HSF5: variants seen among roughly 807,000 people sequenced by gnomAD.
HSF5 encodes the protein heat shock transcription factor 5.
In HSF5, 5 loss-of-function variants were observed where a neutral mutation model predicts 50.8. That is an observed-to-expected ratio of 0.10 (90% CI 0.05 to 0.21). HSF5 has a LOEUF of 0.21. HSF5 is among the 10% of genes least tolerant of loss of function. The pLI, the probability that HSF5 is intolerant of heterozygous loss-of-function variation, is 1.00. For synonymous variants in HSF5, 307 were observed against 307.4 expected (o/e 1.00, Z 0.02); for missense variants, 564 against 762.6 (o/e 0.74, Z 3.07).
At chr17:58,425,970 A>G (rs1974292500) in intron 5 of HSF5, among the ~76,000 whole-genome samples, 1 of 152,218 alleles carries the variant, frequency 6.6e-6, no homozygotes, top group South Asian at 2.1e-4. Context: ...TTGAAAGCTG[A>G]CCAAAAAGAA....
At chr17:58,428,537 T>C (rs1004403542) in intron 5 of HSF5, among the ~76,000 whole-genome samples, 2 of 152,000 alleles carry the variant, frequency 1.3e-5, no homozygotes, top group Non-Finnish European at 2.9e-5. Context: ...CGGGCGCCTG[T>C]AGTCCCAGCT....
At chr17:58,436,954 G>A (rs1018214657) in intron 5 of HSF5, among the ~76,000 whole-genome samples, 2 of 152,182 alleles carry the variant, frequency 1.3e-5, no homozygotes, top group Admixed American at 6.5e-5. Flanking sequence ...GCCGTAAAGT[G>A]ACTGGGGGCC....
chr17:58,434,365 A>G (rs1372502053), intron 5 of HSF5, among the ~76,000 whole-genome samples: 1 of 151,860 alleles, frequency 6.6e-6, no homozygotes, highest in African/African-American at 2.4e-5. Context: ...CCCGGCCAAC[A>G]AGGTAAAACT....
chr17:58,447,774 G>C (rs575748924), intron 5 of HSF5, among the ~76,000 whole-genome samples: 4 of 152,316 alleles, frequency 2.6e-5, no homozygotes, highest in Admixed American at 2.6e-4. Context: ...AAGGAGGACA[G>C]GTACAAACAG....
intron 2 of HSF5, among the ~76,000 whole-genome samples, chr17:58,473,841 C>A (rs1409755740): frequency 6.6e-6 from 1 of 151,994 alleles, no homozygotes; most frequent in Non-Finnish European, 1.5e-5. Context: ...TATTTGAAGA[C>A]CAGATCCAAG....
chr17:58,446,285 T>A (rs1166292397), intron 5 of HSF5, among the ~76,000 whole-genome samples: 2 of 151,974 alleles, frequency 1.3e-5, no homozygotes, highest in African/African-American at 2.4e-5. Flanking sequence ...AGGTGATGAA[T>A]CACAGTGCCT....
At chr17:58,461,516 A>G (rs1432330202) in intron 4 of HSF5, among the ~76,000 whole-genome samples, 1 of 152,186 alleles carries the variant, frequency 6.6e-6, no homozygotes, top group African/African-American at 2.4e-5. Flanking sequence ...TACACATATC[A>G]GGCTAAGATC....
chr17:58,450,580 C>G (rs1486128435), intron 5 of HSF5, among the ~76,000 whole-genome samples: 1 of 150,048 alleles, frequency 6.7e-6, no homozygotes, highest in South Asian at 2.1e-4. Context: ...ATGGAGAAAC[C>G]CTGTCTCTAC....
intron 2 of HSF5, among the ~76,000 whole-genome samples, chr17:58,475,851 A>T (rs745489107): frequency 8.5e-5 from 13 of 152,190 alleles, no homozygotes; most frequent in Non-Finnish European, 5.9e-5. Context: ...CAGAGCTCGT[A>T]GTGTTGATTC....
At chr17:58,442,387 G>A (rs1343520975) in intron 5 of HSF5, among the ~76,000 whole-genome samples, 1 of 152,238 alleles carries the variant, frequency 6.6e-6, no homozygotes, top group East Asian at 1.9e-4. Context: ...TTGAAGATAA[G>A]TAGGGAAAGT....
chr17:58,463,357 G>C, intron 3 of HSF5, 54 bp from the exon 4 acceptor site: 3 of 1,410,902 alleles, frequency 2.1e-6, no homozygotes, highest in Non-Finnish European at 2.9e-6. Flanking sequence ...ATGAGATTAA[G>C]GAGGAAAGCT....
At chr17:58,474,658 T>TA (rs1368787779) in intron 2 of HSF5, among the ~76,000 whole-genome samples, 8 of 152,224 alleles carry the variant, frequency 5.3e-5, no homozygotes, top group Admixed American at 5.2e-4. Context: ...ATATTAACTA[T>TA]AACATTTGTA....
At chr17:58,425,936 A>T (rs1034067120) in intron 5 of HSF5, among the ~76,000 whole-genome samples, 2 of 152,192 alleles carry the variant, frequency 1.3e-5, no homozygotes, top group Non-Finnish European at 2.9e-5. Context: ...ATTGGTGTGG[A>T]ATGCAACCTA....
At chr17:58,459,205 G>T (rs1974756491) in intron 4 of HSF5, among the ~76,000 whole-genome samples, 1 of 145,706 alleles carries the variant, frequency 6.9e-6, no homozygotes, top group South Asian at 2.2e-4. Flanking sequence ...AAAAGTACAG[G>T]TTTTTTTTTT....
At chr17:58,464,851 T>A (rs1282338783) in intron 3 of HSF5, among the ~76,000 whole-genome samples, 1 of 152,102 alleles carries the variant, frequency 6.6e-6, no homozygotes, top group Non-Finnish European at 1.5e-5. Flanking sequence ...CAGGCTGGTC[T>A]TAAACTCCTG....
chr17:58,447,016 T>C (rs1598187111), intron 5 of HSF5, among the ~76,000 whole-genome samples: 1 of 152,178 alleles, frequency 6.6e-6, no homozygotes, highest in Non-Finnish European at 1.5e-5. Flanking sequence ...TCCCAGCTAC[T>C]TGGGAGGCTG....
intron 4 of HSF5, 47 bp downstream of exon 4, chr17:58,462,735 A>ACTAGG: frequency 6.6e-7 from 1 of 1,512,416 alleles, no homozygotes; most frequent in Non-Finnish European, 8.9e-7. Context: ...TAGCAGAAGT[A>ACTAGG]CTAGGTACTT....
intron 4 of HSF5, among the ~76,000 whole-genome samples, chr17:58,461,369 A>G (rs1368420165): frequency 6.6e-6 from 1 of 152,146 alleles, no homozygotes; most frequent in Non-Finnish European, 1.5e-5. Flanking sequence ...TATAAATTTA[A>G]GACATTTGGA....
At chr17:58,428,645 T>C (rs1974326980) in intron 5 of HSF5, among the ~76,000 whole-genome samples, 1 of 151,712 alleles carries the variant, frequency 6.6e-6, no homozygotes, top group East Asian at 1.9e-4. Context: ...GGCGACAGAG[T>C]GAGACTCTGT....
Sources: allele counts gnomAD v4.1 joint callset (sites outside exome capture counted in the v4.1 genomes callset), GRCh38; gene constraint gnomAD v4.1.1; transcripts MANE v1.5; gene names NCBI Gene and HGNC (gene_info 2026-07-23, HGNC 2026-07-21).